Variants in PHF24 observed in about 807,000 individuals in gnomAD.
PHF24 encodes the protein PHD finger protein 24.
A neutral mutation model predicts 42.6 loss-of-function variants in PHF24; 25 were observed. The observed-to-expected ratio is 0.59, with a 90% CI of 0.43 to 0.82. PHF24 has a LOEUF of 0.82. PHF24 is among the 40% of genes least tolerant of loss of function. The pLI, the probability that PHF24 is intolerant of heterozygous loss-of-function variation, is 0.00. For synonymous variants in PHF24, 185 were observed against 204.8 expected (o/e 0.90, Z 0.83); for missense variants, 470 against 538.1 (o/e 0.87, Z 1.25).
the PHF24 span, among the ~76,000 whole-genome samples, chr9:34,898,798 T>C: frequency 1.3e-5 from 2 of 152,180 alleles, no homozygotes; most frequent in Admixed American, 1.3e-4. Flanking sequence ...TCACCACATC[T>C]GCAAGTCCTG....
the PHF24 span, among the ~76,000 whole-genome samples, chr9:34,933,661 C>T: frequency 6.6e-6 from 1 of 150,620 alleles, no homozygotes; most frequent in Non-Finnish European, 1.5e-5. Context: ...GGAGGCTGAG[C>T]TTGCAGTGAG....
At chr9:34,922,628 A>G in the PHF24 span, 1 of 1,008,330 alleles carries the variant, frequency 9.9e-7, no homozygotes, top group Non-Finnish European at 1.6e-6. Flanking sequence ...CAAAAGGGAC[A>G]GTACATCATT....
At chr9:34,879,958 A>G in the PHF24 span, among the ~76,000 whole-genome samples, 13 of 152,346 alleles carry the variant, frequency 8.5e-5, no homozygotes, top group Non-Finnish European at 1.6e-4. Flanking sequence ...GAGAAAGGTC[A>G]GGTTACCCAC....
At chr9:34,754,022 G>A in the PHF24 span, among the ~76,000 whole-genome samples, 3 of 152,014 alleles carry the variant, frequency 2.0e-5, no homozygotes, top group East Asian at 5.8e-4. Flanking sequence ...ATTTCAAAAT[G>A]TATTAAAGAC....
chr9:34,780,694 G>A, the PHF24 span, among the ~76,000 whole-genome samples: 1 of 152,192 alleles, frequency 6.6e-6, no homozygotes, highest in Non-Finnish European at 1.5e-5. Flanking sequence ...CATCAAGGGA[G>A]TGAAAATCAT....
the PHF24 span, among the ~76,000 whole-genome samples, chr9:34,710,633 G>T: frequency 7.2e-6 from 1 of 138,574 alleles, no homozygotes; most frequent in African/African-American, 2.7e-5. Context: ...GCGCCTGGCT[G>T]ATTTTTCTAT....
chr9:34,891,502 T>C, the PHF24 span, among the ~76,000 whole-genome samples: 1 of 152,214 alleles, frequency 6.6e-6, no homozygotes, highest in East Asian at 1.9e-4. Flanking sequence ...TGGTGCTGCA[T>C]GCTGGGAAGA....
At chr9:34,742,106 G>T in the PHF24 span, among the ~76,000 whole-genome samples, 2 of 152,054 alleles carry the variant, frequency 1.3e-5, no homozygotes, top group Non-Finnish European at 2.9e-5. Context: ...ATGCCCAAGA[G>T]AATATAAAAA....
chr9:34,705,132 A>C, the PHF24 span, among the ~76,000 whole-genome samples: 2 of 152,116 alleles, frequency 1.3e-5, no homozygotes, highest in Non-Finnish European at 2.9e-5. Flanking sequence ...TATTCAGTAA[A>C]TATGAATTTT....
the PHF24 span, among the ~76,000 whole-genome samples, chr9:34,937,010 T>TGGGGGGGTCAGCCCCCCCG: frequency 7.7e-6 from 1 of 130,432 alleles, no homozygotes; most frequent in Non-Finnish European, 1.6e-5. Context: ...AGCCGCCCCG[T>TGGGGGGGTCAGCCCCCCCG]CCGGGAGGGA....
the PHF24 span, among the ~76,000 whole-genome samples, chr9:34,783,381 C>T: frequency 1.3e-5 from 2 of 152,204 alleles, no homozygotes; most frequent in African/African-American, 2.4e-5. Context: ...TTACTATCTA[C>T]GTTAACATGA....
the PHF24 span, among the ~76,000 whole-genome samples, chr9:34,745,041 G>A: frequency 6.6e-6 from 1 of 152,218 alleles, no homozygotes; most frequent in Non-Finnish European, 1.5e-5. Flanking sequence ...GGCGGAAGCT[G>A]CTATCCTTGC....
the PHF24 span, chr9:34,922,398 G>A: frequency 7.1e-7 from 1 of 1,407,338 alleles, no homozygotes; most frequent in East Asian, 2.3e-5. Context: ...ATAGAACACG[G>A]AGAAGTTAAG....
chr9:34,861,322 T>C, the PHF24 span, among the ~76,000 whole-genome samples: 1 of 152,184 alleles, frequency 6.6e-6, no homozygotes, highest in African/African-American at 2.4e-5. Context: ...CACTGTAGGG[T>C]AGAACTACTT....
At chr9:34,780,297 TC>T in the PHF24 span, among the ~76,000 whole-genome samples, 31,659 of 101,902 alleles carry the variant, frequency 0.31, 6,876 homozygotes, top group Non-Finnish European at 0.43. Flanking sequence ...TTTCTTTTTT[TC>T]TTTTTTTTTT....
At chr9:34,741,900 G>C in the PHF24 span, among the ~76,000 whole-genome samples, 3 of 152,042 alleles carry the variant, frequency 2.0e-5, no homozygotes, top group Non-Finnish European at 4.4e-5. Context: ...GTTTTAAATG[G>C]GGGGGTGGGG....
chr9:34,915,537 C>G, the PHF24 span, among the ~76,000 whole-genome samples: 2 of 146,570 alleles, frequency 1.4e-5, no homozygotes, highest in African/African-American at 5.1e-5. Flanking sequence ...GCTAGAAATG[C>G]CAAGAGGGAA....
chr9:34,738,589 G>A, the PHF24 span, among the ~76,000 whole-genome samples: 15 of 152,048 alleles, frequency 9.9e-5, no homozygotes, highest in South Asian at 4.2e-4. Flanking sequence ...CTCATGATCC[G>A]CCTGCCTCAG....
the PHF24 span, among the ~76,000 whole-genome samples, chr9:34,949,900 C>T: frequency 6.6e-6 from 1 of 151,466 alleles, no homozygotes; most frequent in Non-Finnish European, 1.5e-5. Context: ...CTAATGCATG[C>T]GGAGCTTAAA....
Sources: gnomAD v4.1 joint callset for allele counts (sites outside exome capture counted in the v4.1 genomes callset) on GRCh38, gnomAD v4.1.1 for gene constraint, MANE v1.5 for transcripts, NCBI Gene and HGNC (gene_info 2026-07-23, HGNC 2026-07-21) for gene names.